SOX6: variants seen among roughly 807,000 people sequenced by gnomAD.
SOX6 encodes SRY-box transcription factor 6, also known as transcription factor SOX-6.
Under a neutral mutation model 97.8 loss-of-function variants are expected in SOX6, and 11 were observed. That is an observed-to-expected ratio of 0.11 (90% CI 0.07 to 0.19). The LOEUF (loss-of-function observed/expected upper bound fraction) is 0.19, where lower values mean the gene tolerates loss of function less well. SOX6 is among the 10% of genes least tolerant of loss of function. The pLI is 1.00. For missense variants in SOX6, 810 were observed against 1,039.5 expected (o/e 0.78, Z 3.04); for synonymous variants, 360 against 371.4 (o/e 0.97, Z 0.35).
intron 4 of SOX6, among the ~76,000 whole-genome samples, chr11:16,225,452 A>T (rs1478551880): frequency 6.7e-6 from 1 of 148,626 alleles, no homozygotes; most frequent in Non-Finnish European, 1.5e-5. Flanking sequence ...TAAAACAGAA[A>T]AAAGTAGTAA....
intron 3 of SOX6, among the ~76,000 whole-genome samples, chr11:16,306,508 G>T (rs1855436978): frequency 6.6e-6 from 1 of 151,746 alleles, no homozygotes; most frequent in African/African-American, 2.4e-5. Context: ...GAGGGATAAT[G>T]ACTAAGCTTG....
intron 6 of SOX6, among the ~76,000 whole-genome samples, chr11:16,168,377 G>A (rs1467875215): frequency 1.3e-5 from 2 of 152,084 alleles, no homozygotes; most frequent in Admixed American, 1.3e-4. Context: ...AAATAATAAA[G>A]GGAAAGCAAG....
At chr11:16,033,555 C>A (rs1031737424) in intron 12 of SOX6, among the ~76,000 whole-genome samples, 1 of 152,118 alleles carries the variant, frequency 6.6e-6, no homozygotes, top group South Asian at 2.1e-4. Flanking sequence ...CTACCAACCT[C>A]CCTTGAAGGA....
At chr11:16,129,917 T>A (rs994465823) in intron 6 of SOX6, among the ~76,000 whole-genome samples, 2 of 152,186 alleles carry the variant, frequency 1.3e-5, no homozygotes, top group East Asian at 3.9e-4. Flanking sequence ...ATGTCTACTC[T>A]CACCACTTCT....
chr11:16,242,989 T>A (rs746091299), intron 3 of SOX6, among the ~76,000 whole-genome samples: 52 of 151,976 alleles, frequency 3.4e-4, no homozygotes, highest in Non-Finnish European at 3.4e-4. Context: ...ATACCTGTGC[T>A]TTTTCACTTC....
At chr11:16,717,040 T>C (rs1016752463) in intron 2 of SOX6, among the ~76,000 whole-genome samples, 2 of 152,192 alleles carry the variant, frequency 1.3e-5, no homozygotes, top group Admixed American at 1.3e-4. Context: ...TTTCTGTATG[T>C]CTATTATGTT....
intron 6 of SOX6, among the ~76,000 whole-genome samples, chr11:16,168,261 G>C (rs16932664): frequency 0.056 from 8,577 of 152,122 alleles, 628 homozygotes; most frequent in East Asian, 0.37. Flanking sequence ...GGAAAAATAG[G>C]TATCAAATAT....
chr11:16,444,478 C>T (rs1859574863), intron 1 of SOX6, among the ~76,000 whole-genome samples: 1 of 152,078 alleles, frequency 6.6e-6, no homozygotes, highest in African/African-American at 2.4e-5. Context: ...ACTAATTTAG[C>T]CCACTATAAT....
At position 16,259,323 on chromosome 11, in the gene SOX6, T is replaced by A. The variant is rs566528334; in HGVS notation, c.446-24652A>T. 9.9e-5 allele frequency among the ~76,000 whole-genome samples: 15 copies of A among 152,048 alleles called. 1 individual carries two copies. Among genetic ancestry groups the A allele is most frequent in the Non-Finnish European group, 1.0e-4 (7 of 67,938 alleles). ...TAGATGGACATATTCTGCTCATACA[T>A]TGGAAATCACAACATTCTTAAGAAG... is the stretch of plus-strand genomic sequence containing the variant. On this transcript the variant is annotated intron_variant, in intron 3 of 15. Coordinates refer to ENST00000683767, the MANE Select transcript of SOX6 (RefSeq NM_001367873.1).
intron 3 of SOX6, among the ~76,000 whole-genome samples, chr11:16,260,367 T>C (rs1266828372): frequency 2.0e-5 from 3 of 152,142 alleles, no homozygotes; most frequent in Non-Finnish European, 4.4e-5. Context: ...GTAATATATG[T>C]TATATTGTGA....
chr11:16,351,208 T>C lies in SOX6; in HGVS notation c.-5+4886A>G, dbSNP rs150243289. On this transcript the variant is annotated intron_variant, in intron 1 of 15. Coordinates refer to ENST00000683767, the MANE Select transcript of SOX6 (RefSeq NM_001367873.1). ...CTATTTTCCTCAATACCTCCCCTCA[T>C]TCATCCACACCCAGAAGAGTACCAC... 6.4e-3 allele frequency among the ~76,000 whole-genome samples: 977 copies of C among 152,104 alleles called. 3 individuals carry two copies. Among genetic ancestry groups the C allele is most frequent in the Middle Eastern group, 0.024 (7 of 294 alleles).
At chr11:16,442,151 T>C (rs1461529696) in intron 1 of SOX6, among the ~76,000 whole-genome samples, 1 of 152,214 alleles carries the variant, frequency 6.6e-6, no homozygotes, top group Non-Finnish European at 1.5e-5. Flanking sequence ...GATTAATTAG[T>C]TGTTTCTCTG....
At chr11:16,721,815 C>T (rs998810384) in intron 2 of SOX6, among the ~76,000 whole-genome samples, 2 of 151,474 alleles carry the variant, frequency 1.3e-5, no homozygotes, top group Admixed American at 6.6e-5. Flanking sequence ...CTTTATAGCA[C>T]TGTGATAATG....
At chr11:16,139,196 A>T (rs1359815607) in intron 6 of SOX6, among the ~76,000 whole-genome samples, 1 of 152,128 alleles carries the variant, frequency 6.6e-6, no homozygotes, top group African/African-American at 2.4e-5. Flanking sequence ...CTATCGTGTT[A>T]CACTTTTTTT....
At chr11:16,547,476 A>ATT (rs1375869620) in intron 4 of SOX6, among the ~76,000 whole-genome samples, 5 of 152,122 alleles carry the variant, frequency 3.3e-5, no homozygotes, top group African/African-American at 4.8e-5. Context: ...AAAGAATGAA[A>ATT]TCATGTCATT....
chr11:16,131,610 A>C (rs1849741152), intron 6 of SOX6, among the ~76,000 whole-genome samples: 1 of 151,862 alleles, frequency 6.6e-6, no homozygotes, highest in Non-Finnish European at 1.5e-5. Context: ...AGAAAAATGA[A>C]AACATATGTC....
chr11:16,567,569 T>C (rs12289098), intron 4 of SOX6, among the ~76,000 whole-genome samples: 25,577 of 118,750 alleles, frequency 0.22, 2,271 homozygotes, highest in East Asian at 0.42. Flanking sequence ...TTCTTTTTTT[T>C]TTTTTTTTTT....
intron 4 of SOX6, among the ~76,000 whole-genome samples, chr11:16,497,564 C>A (rs893326521): frequency 6.6e-6 from 1 of 151,724 alleles, no homozygotes; most frequent in Non-Finnish European, 1.5e-5. Context: ...AGTTAAAAAC[C>A]TTGAAAAAAA....
chr11:16,037,534 T>A (rs965520665), intron 12 of SOX6, among the ~76,000 whole-genome samples: 1 of 152,186 alleles, frequency 6.6e-6, no homozygotes, highest in Non-Finnish European at 1.5e-5. Context: ...AAATGGATTT[T>A]AAATGCATAA....
Sources: gnomAD v4.1 joint callset for allele counts (sites outside exome capture counted in the v4.1 genomes callset) on GRCh38, gnomAD v4.1.1 for gene constraint, MANE v1.5 for transcripts, NCBI Gene and HGNC (gene_info 2026-07-23, HGNC 2026-07-21) for gene names.